The following CREBBP variants were observed in gnomAD, a reference collection of about 807,000 sequenced individuals.
CREBBP encodes CREB-binding protein.
In CREBBP, 19 loss-of-function variants were observed where a neutral mutation model predicts 265.0. The ratio of observed to expected loss-of-function variants is 0.07; its 90% CI spans 0.05 to 0.11. The LOEUF (loss-of-function observed/expected upper bound fraction) is 0.11, where lower values mean the gene tolerates loss of function less well. Ranked by LOEUF, CREBBP falls within the 10% of genes least tolerant of loss-of-function variation. CREBBP has a pLI of 1.00. For missense variants in CREBBP, 2,525 were observed against 3,219.0 expected (o/e 0.78, Z 5.22); for synonymous variants, 1,457 against 1,223.7 (o/e 1.19, Z -3.98).
At chr16:3,774,286 T>A (rs1344260196) in intron 12 of CREBBP, among the ~76,000 whole-genome samples, 1 of 152,238 alleles carries the variant, frequency 6.6e-6, no homozygotes, top group Non-Finnish European at 1.5e-5. Flanking sequence ...GACAATTCCC[T>A]GCTGGCCACA....
chr16:3,844,135 G>A (rs1338188875), intron 2 of CREBBP, among the ~76,000 whole-genome samples: 4 of 114,610 alleles, frequency 3.5e-5, no homozygotes, highest in Non-Finnish European at 5.0e-5. Flanking sequence ...GCGACAGAGC[G>A]AGACTCCGTC....
chr16:3,815,944 C>G (rs934493554), intron 2 of CREBBP, among the ~76,000 whole-genome samples: 2 of 151,826 alleles, frequency 1.3e-5, no homozygotes, highest in African/African-American at 4.8e-5. Flanking sequence ...ATTAAAAAAG[C>G]AGAACAGAGA....
chr16:3,863,036 T>C (rs2526691), intron 1 of CREBBP, among the ~76,000 whole-genome samples: 133,046 of 152,190 alleles, frequency 0.87, 59,986 homozygotes, highest in Non-Finnish European at 0.99. Flanking sequence ...AATCAAGCTA[T>C]GGTATCAGGT....
chr16:3,758,212 A>G (rs909471468), intron 17 of CREBBP, among the ~76,000 whole-genome samples, 164 bp from the exon 18 acceptor site: 1 of 152,202 alleles, frequency 6.6e-6, no homozygotes, highest in Non-Finnish European at 1.5e-5. Context: ...CCTCTGACGC[A>G]ACTGATTTTA....
chr16:3,773,547 T>C, intron 13 of CREBBP: 1 of 607,782 alleles, frequency 1.6e-6, no homozygotes, highest in South Asian at 2.1e-5. Flanking sequence ...TTGCATATAG[T>C]TAACCCAGAA....
intron 2 of CREBBP, among the ~76,000 whole-genome samples, chr16:3,813,674 T>A (rs1368827734): frequency 6.6e-6 from 1 of 152,164 alleles, no homozygotes; most frequent in African/African-American, 2.4e-5. Context: ...TCATTTTCCC[T>A]CGATCAATTC....
At position 3,850,831 on chromosome 16, in the gene CREBBP, AT is replaced by A. The variant is rs2054819034; in HGVS notation, c.263del (p.Asn88MetfsTer2). ...SGSSINPGIG[N>X]VSASSPVQQG... ...GCTGCACGGGGCTGCTGGCGCTCAC[AT>A]TTCCTATTCCTGGGTTGATACTAGA... On this transcript the variant is annotated frameshift_variant, in exon 2 of 31. Transcript: ENST00000262367. LOFTEE classifies it high-confidence loss of function. 6.2e-7 allele frequency: 1 copy of A among 1,613,912 alleles called. No individual in the cohort carries two copies. Among genetic ancestry groups the A allele is most frequent in the Admixed American group, 1.7e-5 (1 of 59,992 alleles).
Position 3,818,462 on chromosome 16 carries a change from C to T in CREBBP, c.799-7683G>A, listed in dbSNP as rs559338671. Among the ~76,000 whole-genome samples, 135 of 152,146 alleles carry T rather than the reference C, an allele frequency of 8.9e-4. 4 individuals carry two copies. In the South Asian group the frequency reaches 0.026, roughly 29 times the overall value. Reference sequence around the variant, plus strand: ...AGCTGGGACTACAGGCGCGTGCCACCACGCCTGGCTAATTTTTGTATTTTT... The same window carrying T: ...AGCTGGGACTACAGGCGCGTGCCACTACGCCTGGCTAATTTTTGTATTTTT... On this transcript the variant is annotated intron_variant, in intron 2 of 30. Transcript: ENST00000262367.
chr16:3,746,052 G>T (rs1024419866), intron 21 of CREBBP, among the ~76,000 whole-genome samples: 2 of 152,184 alleles, frequency 1.3e-5, no homozygotes, highest in African/African-American at 4.8e-5. Context: ...CTCAACCCAG[G>T]AATCTTAAAT....
Position 3,727,801 on chromosome 16 carries a change from T to C in CREBBP, c.7246A>G (p.Ser2416Gly), listed in dbSNP as rs1004921860. ...AGTTCGCTGGACAGCGCACTCCTGC[T>C]GGGGGTGTTCAGCTGGGGGAGCATT... ...SAMLPQLNTP[S>G]RSALSSELSL... The change falls in exon 31 of 31, where the codon AGC becomes GGC. Residue 2416 changes from serine to glycine, a missense_variant. Around this residue, in one of 19 missense-constraint regions of CREBBP, gnomAD observed 473 missense variants for 459.3 expected, o/e 1.03. Coordinates refer to ENST00000262367, the MANE Select transcript of CREBBP (RefSeq NM_004380.3). 6.2e-7 allele frequency: 1 copy of C among 1,614,118 alleles called. No homozygotes were observed. Among genetic ancestry groups the C allele is most frequent in the Non-Finnish European group, 8.5e-7 (1 of 1,180,026 alleles).
In CREBBP at chr16:3,729,234, G is replaced by A. The variant is rs2151308049; in HGVS notation, c.5813C>T (p.Pro1938Leu). ...QPPTTVSTGK[P>L]TSQVPAPPPP... ...TGGGGGGGCCGGCACCTGGCTGGTAGGCTTCCCTGTGGACACCGTGGTGGG... is the reference window on the plus strand; with the variant it reads ...TGGGGGGGCCGGCACCTGGCTGGTAAGCTTCCCTGTGGACACCGTGGTGGG... The change falls in exon 31 of 31, where the codon CCT (proline) becomes CTT (leucine). Residue 1938 changes from proline to leucine, a missense_variant. Pro to Leu is a moderately conservative substitution (Grantham distance 98). This residue lies in a region of CREBBP where 275 missense variants were observed against 276.5 expected (regional missense o/e 0.99). Coordinates refer to ENST00000262367, the MANE Select transcript of CREBBP (RefSeq NM_004380.3). The A allele has an allele frequency of 6.5e-7, 1 of 1,529,780 alleles. No homozygotes were observed. Among genetic ancestry groups the A allele is most frequent in the South Asian group, 1.2e-5 (1 of 83,414 alleles). The allele number at this position is 1,529,780 out of a possible 1,614,324, so 94.8% of individuals were successfully genotyped here.
chr16:3,826,927 G>A (rs1409984169), intron 2 of CREBBP, among the ~76,000 whole-genome samples: 1 of 152,132 alleles, frequency 6.6e-6, no homozygotes, highest in Non-Finnish European at 1.5e-5. Flanking sequence ...GGAAGTGCGT[G>A]GATGGTGGGG....
chr16:3,794,230 G>T (rs1031549659), intron 3 of CREBBP, among the ~76,000 whole-genome samples: 2 of 150,320 alleles, frequency 1.3e-5, no homozygotes, highest in African/African-American at 4.9e-5. Flanking sequence ...TACTCGGGAG[G>T]CTGAGGCAGG....
At chr16:3,834,056 C>G (rs1387453607) in intron 2 of CREBBP, among the ~76,000 whole-genome samples, 1 of 152,166 alleles carries the variant, frequency 6.6e-6, no homozygotes, top group African/African-American at 2.4e-5. Context: ...ATGCAAATGA[C>G]AACAATGGGA....
intron 2 of CREBBP, among the ~76,000 whole-genome samples, chr16:3,815,383 T>C (rs2054017493): frequency 6.6e-6 from 1 of 151,572 alleles, no homozygotes; most frequent in Admixed American, 6.6e-5. Flanking sequence ...CTACTAAAAA[T>C]ACAAAAATTA....
intron 3 of CREBBP, among the ~76,000 whole-genome samples, chr16:3,800,855 T>G (rs1409197834): frequency 6.6e-6 from 1 of 152,224 alleles, no homozygotes; most frequent in Non-Finnish European, 1.5e-5. Flanking sequence ...AGACTGGCAT[T>G]CTTTCTATGA....
In CREBBP at chr16:3,855,409, C is replaced by T. The variant is rs189300726; in HGVS notation, c.86-4400G>A. Reference sequence around the variant, plus strand: ...CAGCCAGAATAGCTGGGATTACAGGCGTGCACCACCGCACCCGGCTAACGT... The same window carrying T: ...CAGCCAGAATAGCTGGGATTACAGGTGTGCACCACCGCACCCGGCTAACGT... On this transcript the variant is annotated intron_variant, in intron 1 of 30. Transcript: ENST00000262367. Among the ~76,000 whole-genome samples, 11 of 152,264 alleles carry T rather than the reference C, an allele frequency of 7.2e-5. No individual in the cohort carries two copies. The East Asian group carries it at 2.1e-3, about 29-fold the overall frequency.
chr16:3,860,030 A>T (rs1179193898), intron 1 of CREBBP, among the ~76,000 whole-genome samples: 1 of 152,104 alleles, frequency 6.6e-6, no homozygotes, highest in African/African-American at 2.4e-5. Context: ...GGGCGGGGGC[A>T]GTCTTGAGGA....
intron 2 of CREBBP, among the ~76,000 whole-genome samples, chr16:3,820,831 A>T (rs2054128195): frequency 6.6e-6 from 1 of 152,166 alleles, no homozygotes; most frequent in African/African-American, 2.4e-5. Context: ...CTGTGTACAC[A>T]CACACACAGC....
Sources: allele counts gnomAD v4.1 joint callset (sites outside exome capture counted in the v4.1 genomes callset), GRCh38; gene constraint gnomAD v4.1.1; regional missense constraint gnomAD v4.1.1; transcripts MANE v1.5; gene names NCBI Gene and HGNC (gene_info 2026-07-23, HGNC 2026-07-21).